Variants in KCNT2 observed in about 807,000 individuals in gnomAD.
The protein encoded by KCNT2 is potassium channel subfamily T member 2.
KCNT2 carries 67 observed loss-of-function variants against 153.8 expected under a neutral mutation model. The ratio of observed to expected loss-of-function variants is 0.44; its 90% confidence interval spans 0.36 to 0.53. The LOEUF is 0.53. Among genes scored for constraint, KCNT2 ranks in the 20% least tolerant of loss-of-function variants. The probability of loss-of-function intolerance (pLI) is 0.00; values close to 1 mark genes in which losing one functional copy is unlikely to be tolerated. For missense variants in KCNT2, 975 were observed against 1,354.8 expected (o/e 0.72, Z 4.40); for synonymous variants, 500 against 458.8 (o/e 1.09, Z -1.15).
Position 196,496,806 on chromosome 1 carries a change from G to T in KCNT2, c.96-4465C>A, listed in dbSNP as rs553931887. On this transcript the variant is annotated intron_variant, in intron 1 of 27. Coordinates refer to ENST00000294725, the MANE Select transcript of KCNT2 (RefSeq NM_198503.5). Reference sequence around the variant, plus strand: ...ACTCAAACATCAATACTCATGCTACGATCATTTAGACACACGAATTCACCT... The same window carrying T: ...ACTCAAACATCAATACTCATGCTACTATCATTTAGACACACGAATTCACCT... 3.9e-5 allele frequency among the ~76,000 whole-genome samples: 6 copies of T among 152,210 alleles called. No individual in the cohort carries two copies. In the East Asian group the frequency reaches 5.8e-4, roughly 15 times the overall value.
chr1:196,409,629 A>T (rs1672119169), intron 12 of KCNT2, among the ~76,000 whole-genome samples: 2 of 151,614 alleles, frequency 1.3e-5, no homozygotes, highest in African/African-American at 4.8e-5. Context: ...TTTGCTAAAG[A>T]ACTTTCTTCA....
At chr1:196,558,316 TTAA>T (rs886378820) in intron 1 of KCNT2, among the ~76,000 whole-genome samples, 2 of 151,380 alleles carry the variant, frequency 1.3e-5, no homozygotes, top group Non-Finnish European at 3.0e-5. Flanking sequence ...ATCTACATCA[TTAA>T]TAAGGTCATA....
At chr1:196,275,827 G>T (rs1431123696) in intron 25 of KCNT2, among the ~76,000 whole-genome samples, 1 of 151,950 alleles carries the variant, frequency 6.6e-6, no homozygotes, top group African/African-American at 2.4e-5. Flanking sequence ...GCATTTAAAT[G>T]TGTATATACT....
intron 13 of KCNT2, among the ~76,000 whole-genome samples, chr1:196,377,521 C>A (rs1669076425): frequency 6.6e-6 from 1 of 151,872 alleles, no homozygotes; most frequent in Non-Finnish European, 1.5e-5. Flanking sequence ...GCAAAAACCA[C>A]CTACCTATGG....
At chr1:196,486,353 A>G (rs1001191961) in intron 3 of KCNT2, among the ~76,000 whole-genome samples, 10 of 152,018 alleles carry the variant, frequency 6.6e-5, no homozygotes, top group African/African-American at 2.2e-4. Context: ...CCAAATATAT[A>G]TCATTTAGTT....
chr1:196,482,773 T>C (rs1011489641), intron 3 of KCNT2, among the ~76,000 whole-genome samples: 1 of 151,962 alleles, frequency 6.6e-6, no homozygotes, highest in Non-Finnish European at 1.5e-5. Context: ...ACAGTATAAA[T>C]AACCAGAAAA....
At chr1:196,377,264 C>T (rs965466805) in intron 13 of KCNT2, among the ~76,000 whole-genome samples, 2 of 151,776 alleles carry the variant, frequency 1.3e-5, no homozygotes, top group East Asian at 1.9e-4. Context: ...GATAGTATGA[C>T]CAAGCAGTGT....
intron 7 of KCNT2, 99 bp downstream of exon 7, chr1:196,467,604 G>T: frequency 1.5e-6 from 1 of 671,348 alleles, no homozygotes; most frequent in Non-Finnish European, 2.5e-6. Flanking sequence ...GAAAGTTCAA[G>T]ACTAGATCCC....
chr1:196,355,849 A>G (rs1362068121), intron 14 of KCNT2, among the ~76,000 whole-genome samples: 1 of 151,776 alleles, frequency 6.6e-6, no homozygotes, highest in Non-Finnish European at 1.5e-5. Context: ...CTTCAGCATT[A>G]ATAAAATTTT....
At chr1:196,349,473 C>T (rs1249340437) in intron 14 of KCNT2, among the ~76,000 whole-genome samples, 1 of 152,048 alleles carries the variant, frequency 6.6e-6, no homozygotes, top group African/African-American at 2.4e-5. Context: ...AAGATGGTAA[C>T]CACATGATGC....
intron 4 of KCNT2, among the ~76,000 whole-genome samples, chr1:196,480,732 T>C (rs1379235326): frequency 6.6e-6 from 1 of 151,326 alleles, no homozygotes; most frequent in Non-Finnish European, 1.5e-5. Flanking sequence ...GGCGGGCGCC[T>C]GTAGTCCCAG....
chr1:196,607,077 A>G (rs1665399421), intron 1 of KCNT2, among the ~76,000 whole-genome samples: 1 of 152,206 alleles, frequency 6.6e-6, no homozygotes, highest in Non-Finnish European at 1.5e-5. Context: ...CCCATAATTG[A>G]TGCTCAAGAT....
intron 1 of KCNT2, among the ~76,000 whole-genome samples, chr1:196,598,496 A>G (rs1406570184): frequency 1.3e-5 from 2 of 152,088 alleles, no homozygotes; most frequent in Non-Finnish European, 1.5e-5. Context: ...AAGTATGACC[A>G]ACTTCAAAAA....
intron 7 of KCNT2, 81 bp downstream of exon 7, chr1:196,467,622 C>T (rs1258303256): frequency 1.2e-6 from 1 of 855,116 alleles, no homozygotes; most frequent in Non-Finnish European, 1.8e-6. Flanking sequence ...CCCAAATTCT[C>T]TCTCTCTGTT....
At chr1:196,318,133 T>C (rs1662915927) in intron 20 of KCNT2, among the ~76,000 whole-genome samples, 3 of 151,702 alleles carry the variant, frequency 2.0e-5, no homozygotes, top group Middle Eastern at 6.8e-3. Flanking sequence ...CACAAGAAAG[T>C]CAATCTAGAT....
At chr1:196,412,716 A>G (rs915575903) in intron 12 of KCNT2, among the ~76,000 whole-genome samples, 9 of 151,692 alleles carry the variant, frequency 5.9e-5, no homozygotes, top group African/African-American at 2.2e-4. Flanking sequence ...TTTTGAGTAA[A>G]GCAACACGAA....
chr1:196,409,647 T>A (rs1484322227), intron 12 of KCNT2, among the ~76,000 whole-genome samples: 1 of 151,818 alleles, frequency 6.6e-6, no homozygotes, highest in South Asian at 2.1e-4. Context: ...TCAACTTTTT[T>A]ATAATGTAGG....
Position 196,326,866 on chromosome 1 carries a change from C to T in KCNT2, c.2127G>A (p.Glu709=). The T allele has an allele frequency of 6.3e-7, 1 of 1,576,776 alleles. No homozygotes were observed. Among genetic ancestry groups the T allele is most frequent in the Non-Finnish European group, 8.6e-7 (1 of 1,167,572 alleles). The change falls in exon 19 of 28, where the codon GAG becomes GAA. Residue 709 remains glutamate (E), a synonymous_variant. Coordinates refer to ENST00000294725, the MANE Select transcript of KCNT2 (RefSeq NM_198503.5). ...TTTTGAATCCATAGGCTTTTGCATCCTCATAGTAGTTATGTTGGCAACTCT... is the reference window on the plus strand; with the variant it reads ...TTTTGAATCCATAGGCTTTTGCATCTTCATAGTAGTTATGTTGGCAACTCT... ...LDKSCQHNYY[E]DAKAYGFKNK...
intron 12 of KCNT2, among the ~76,000 whole-genome samples, chr1:196,414,445 A>G (rs144381959): frequency 9.3e-4 from 141 of 151,934 alleles, no homozygotes; most frequent in African/African-American, 3.2e-3. Context: ...CTTGGAATTG[A>G]GGCTATGGGA....
Sources: gnomAD v4.1 joint callset for allele counts (sites outside exome capture counted in the v4.1 genomes callset) on GRCh38, gnomAD v4.1.1 for gene constraint, MANE v1.5 for transcripts, NCBI Gene and HGNC (gene_info 2026-07-23, HGNC 2026-07-21) for gene names.